PCCA: variants seen among roughly 807,000 people sequenced by gnomAD.
PCCA encodes the protein propionyl-CoA carboxylase alpha chain, mitochondrial.
In PCCA, 74 loss-of-function variants were observed where a neutral mutation model predicts 101.3. The ratio of observed to expected loss-of-function variants is 0.73; its 90% CI spans 0.61 to 0.89. PCCA has a LOEUF of 0.89. PCCA is among the 40% of genes least tolerant of loss of function. The pLI is 0.00. For synonymous variants in PCCA, 294 were observed against 313.6 expected (o/e 0.94, Z 0.66); for missense variants, 891 against 907.0 (o/e 0.98, Z 0.23).
At chr13:100,232,316 A>G (rs1304325478) in intron 7 of PCCA, among the ~76,000 whole-genome samples, 1 of 147,244 alleles carries the variant, frequency 6.8e-6, no homozygotes, top group Non-Finnish European at 1.5e-5. Flanking sequence ...TTTCCATGGT[A>G]GCTAGCTGTT....
rs562044599 is a variant in PCCA at position 100,391,275 on chromosome 13, G to C, written c.1746+22701G>C. Among the ~76,000 whole-genome samples the C allele has an allele frequency of 8.5e-4, 130 of 152,268 alleles. 1 individual carries two copies. Among genetic ancestry groups the C allele is most frequent in the African/African-American group, 3.1e-3 (130 of 41,562 alleles). On this transcript the variant is annotated intron_variant, in intron 19 of 23. Transcript: ENST00000376285. Reference sequence around the variant, plus strand: ...TTATGAACCACCACACCCAGCCTCTGTTCCATTTTTATATGAAAGGACAAA... The same window carrying C: ...TTATGAACCACCACACCCAGCCTCTCTTCCATTTTTATATGAAAGGACAAA...
At chr13:100,163,934 A>G (rs1276629056) in intron 6 of PCCA, among the ~76,000 whole-genome samples, 1 of 152,128 alleles carries the variant, frequency 6.6e-6, no homozygotes, top group Non-Finnish European at 1.5e-5. Context: ...AACATTTCAT[A>G]TTCTAGTTAG....
chr13:100,321,987 G>A (rs937191288), intron 16 of PCCA, among the ~76,000 whole-genome samples: 1 of 152,250 alleles, frequency 6.6e-6, no homozygotes, highest in South Asian at 2.1e-4. Flanking sequence ...TTGAAAAGGT[G>A]TGCCCTGCTC....
At chr13:100,208,921 A>C (rs2059035086) in intron 6 of PCCA, among the ~76,000 whole-genome samples, 1 of 152,162 alleles carries the variant, frequency 6.6e-6, no homozygotes, top group African/African-American at 2.4e-5. Context: ...CTGGCACAGA[A>C]TTGGTATTCA....
chr13:100,403,304 A>G (rs1382817282), intron 19 of PCCA, among the ~76,000 whole-genome samples: 4 of 152,176 alleles, frequency 2.6e-5, no homozygotes, highest in Admixed American at 2.6e-4. Context: ...ACACTCAGTT[A>G]TTGGCATGTG....
intron 19 of PCCA, among the ~76,000 whole-genome samples, chr13:100,416,191 T>G (rs939494540): frequency 2.1e-5 from 3 of 141,084 alleles, no homozygotes; most frequent in Non-Finnish European, 3.1e-5. Context: ...TAAATCATGG[T>G]TTTTTTTTTT....
chr13:100,349,746 C>T lies in PCCA; in HGVS notation c.1643+9487C>T, dbSNP rs565498463. ...ACTTTGGCTGCATGGAATCAGTGTA[C>T]TTTGTGCTCAGGCTTAGGAGAACAT... is the stretch of plus-strand genomic sequence containing the variant. On this transcript the variant is annotated intron_variant, in intron 18 of 23. Transcript: ENST00000376285. Among the ~76,000 whole-genome samples the T allele has an allele frequency of 8.8e-5, 13 of 147,360 alleles. No homozygotes were observed. In the South Asian group the frequency reaches 1.1e-3, roughly 12 times the overall value.
chr13:100,465,623 A>G (rs1242192024), intron 21 of PCCA, among the ~76,000 whole-genome samples: 1 of 152,178 alleles, frequency 6.6e-6, no homozygotes, highest in Non-Finnish European at 1.5e-5. Flanking sequence ...CATTTTGGAC[A>G]ATTCTCTGTT....
At chr13:100,419,599 T>C (rs2078612943) in intron 19 of PCCA, among the ~76,000 whole-genome samples, 1 of 152,204 alleles carries the variant, frequency 6.6e-6, no homozygotes, top group African/African-American at 2.4e-5. Flanking sequence ...GCAGAGAACT[T>C]GTTTTAGAAC....
chr13:100,403,421 T>C (rs1429832882), intron 19 of PCCA, among the ~76,000 whole-genome samples: 1 of 152,120 alleles, frequency 6.6e-6, no homozygotes, highest in Admixed American at 6.6e-5. Context: ...GTAGGAAGCA[T>C]AGCAGCATCT....
intron 7 of PCCA, among the ~76,000 whole-genome samples, chr13:100,230,947 T>C (rs1395065186): frequency 1.3e-5 from 2 of 152,142 alleles, no homozygotes; most frequent in South Asian, 2.1e-4. Context: ...GAGGCTACAG[T>C]TCAGTTTCTC....
At chr13:100,098,021 C>T (rs1233013606) in intron 1 of PCCA, among the ~76,000 whole-genome samples, 1 of 150,592 alleles carries the variant, frequency 6.6e-6, no homozygotes, top group Non-Finnish European at 1.5e-5. Flanking sequence ...GAGATCCTGT[C>T]TCAAAAAAAA....
intron 12 of PCCA, among the ~76,000 whole-genome samples, chr13:100,300,020 A>G (rs2065934026): frequency 2.0e-5 from 3 of 152,206 alleles, no homozygotes; most frequent in Admixed American, 6.5e-5. Flanking sequence ...ATCCAGGTTC[A>G]CCTCTTGAGT....
chr13:100,260,789 C>G (rs1471307867), intron 9 of PCCA, among the ~76,000 whole-genome samples: 2 of 151,654 alleles, frequency 1.3e-5, no homozygotes, highest in East Asian at 3.9e-4. Context: ...CTTAAGTGTA[C>G]CAACCTGGAT....
intron 18 of PCCA, among the ~76,000 whole-genome samples, chr13:100,364,761 T>A (rs1244439825): frequency 6.6e-6 from 1 of 152,150 alleles, no homozygotes; most frequent in Non-Finnish European, 1.5e-5. Flanking sequence ...AAAGAAATTG[T>A]TAGAAAAAGG....
chr13:100,301,581 TTGAA>T lies in PCCA; in HGVS notation c.1190_1193del (p.Glu397ValfsTer51), dbSNP rs879253806. ...GATATTCGCATCAACGGCTGGGCAG[TTGAA>T]TGTCGGGTTTATGCTGAGGTAAAAT... On this transcript the variant is annotated frameshift_variant, in exon 13 of 24. Coordinates refer to ENST00000376285, the MANE Select transcript of PCCA (RefSeq NM_000282.4). LOFTEE classifies it high-confidence loss of function. The T allele has an allele frequency of 1.9e-6, 3 of 1,614,044 alleles. No homozygotes were observed. The South Asian group carries it at 3.3e-5, about 18-fold the overall frequency.
chr13:100,439,060 C>T (rs1478403990), intron 20 of PCCA, among the ~76,000 whole-genome samples: 3 of 152,148 alleles, frequency 2.0e-5, no homozygotes, highest in African/African-American at 7.2e-5. Context: ...AATTTAACTC[C>T]TCAGTCACAC....
chr13:100,338,743 A>C (rs1485775035), intron 17 of PCCA, among the ~76,000 whole-genome samples: 1 of 149,416 alleles, frequency 6.7e-6, no homozygotes, highest in Admixed American at 6.7e-5. Context: ...GGTAGATCCC[A>C]TATTTGTATT....
intron 21 of PCCA, among the ~76,000 whole-genome samples, chr13:100,482,148 A>G (rs2083990624): frequency 6.6e-6 from 1 of 152,240 alleles, no homozygotes; most frequent in African/African-American, 2.4e-5. Flanking sequence ...TACCTGAGAC[A>G]GCTTGTCAGT....
Sources: gnomAD v4.1 joint callset for allele counts (sites outside exome capture counted in the v4.1 genomes callset) on GRCh38, gnomAD v4.1.1 for gene constraint, MANE v1.5 for transcripts, NCBI Gene and HGNC (gene_info 2026-07-23, HGNC 2026-07-21) for gene names.